NXPE2: variants seen among roughly 807,000 people sequenced by gnomAD.
The protein encoded by NXPE2 is NXPE family member 2.
Under a neutral mutation model 34.4 loss-of-function variants are expected in NXPE2, and 34 were observed. The ratio of observed to expected loss-of-function variants is 0.99; its 90% CI spans 0.75 to 1.31. NXPE2 has a LOEUF of 1.31. Among genes scored for constraint, NXPE2 ranks in the 40% most tolerant of loss-of-function variants. The pLI is 0.00. For missense variants in NXPE2, 649 were observed against 672.5 expected, an observed-to-expected ratio of 0.97 and a Z score of 0.39; for synonymous variants, 235 against 231.3, an observed-to-expected ratio of 1.02 and a Z score of -0.15.
the NXPE2 span, among the ~76,000 whole-genome samples, chr11:114,810,108 T>C: frequency 6.8e-6 from 1 of 146,946 alleles, no homozygotes; most frequent in Non-Finnish European, 1.5e-5. Flanking sequence ...CCCTATTTAA[T>C]AAATGGTGCT....
At chr11:114,621,243 G>A in the NXPE2 span, among the ~76,000 whole-genome samples, 7 of 151,252 alleles carry the variant, frequency 4.6e-5, no homozygotes, top group African/African-American at 1.5e-4. Flanking sequence ...ACAGTTACCC[G>A]GTGGATAATA....
the NXPE2 span, among the ~76,000 whole-genome samples, chr11:114,476,995 A>G: frequency 6.6e-6 from 1 of 152,198 alleles, no homozygotes; most frequent in South Asian, 2.1e-4. Context: ...TTCTAGGACA[A>G]AGACTTGCAC....
chr11:114,592,301 A>T, the NXPE2 span, among the ~76,000 whole-genome samples: 1 of 152,182 alleles, frequency 6.6e-6, no homozygotes, highest in Non-Finnish European at 1.5e-5. Flanking sequence ...AAACTGTCAG[A>T]ACTGATTTTA....
the NXPE2 span, among the ~76,000 whole-genome samples, chr11:114,654,119 C>G: frequency 3.3e-5 from 5 of 152,020 alleles, no homozygotes; most frequent in Admixed American, 6.6e-5. Flanking sequence ...AAAGTAGACC[C>G]CACAGTGGCT....
chr11:114,777,503 G>T, the NXPE2 span, among the ~76,000 whole-genome samples: 1 of 152,196 alleles, frequency 6.6e-6, no homozygotes, highest in Non-Finnish European at 1.5e-5. Context: ...CTCTTTCCTA[G>T]TAAGAGTCAT....
chr11:114,702,246 T>C (rs1013654846), intron 3 of NXPE2, among the ~76,000 whole-genome samples: 1 of 152,184 alleles, frequency 6.6e-6, no homozygotes, highest in African/African-American at 2.4e-5. Context: ...TAAAATTTAA[T>C]GCACATACAC....
the NXPE2 span, among the ~76,000 whole-genome samples, chr11:114,516,424 G>GT: frequency 6.6e-6 from 1 of 152,144 alleles, no homozygotes; most frequent in Non-Finnish European, 1.5e-5. Flanking sequence ...TATAGATACA[G>GT]TGATGGAGTA....
the NXPE2 span, among the ~76,000 whole-genome samples, chr11:114,777,824 G>T: frequency 6.6e-6 from 1 of 152,174 alleles, no homozygotes; most frequent in Non-Finnish European, 1.5e-5. Context: ...TGTGAAATGG[G>T]TTTAATAAGA....
At chr11:114,813,348 T>C in the NXPE2 span, among the ~76,000 whole-genome samples, 2 of 152,178 alleles carry the variant, frequency 1.3e-5, no homozygotes, top group Non-Finnish European at 2.9e-5. Context: ...CTCTGCCATG[T>C]CCACAGAAGG....
chr11:114,770,316 C>T, the NXPE2 span, among the ~76,000 whole-genome samples: 27 of 152,302 alleles, frequency 1.8e-4, no homozygotes, highest in Middle Eastern at 3.4e-3. Context: ...CTTCCTACCC[C>T]CTCCCCATCT....
At chr11:114,602,095 CAT>C in the NXPE2 span, among the ~76,000 whole-genome samples, 10 of 89,302 alleles carry the variant, frequency 1.1e-4, no homozygotes, top group South Asian at 1.9e-3. Flanking sequence ...TTATATATAA[CAT>C]ATATTATAAT....
At chr11:114,794,857 C>A in the NXPE2 span, among the ~76,000 whole-genome samples, 1 of 151,656 alleles carries the variant, frequency 6.6e-6, no homozygotes, top group Non-Finnish European at 1.5e-5. Flanking sequence ...CCCCGCCCCC[C>A]CCAACCCCAT....
Position 114,704,003 on chromosome 11 carries a change from A to C in NXPE2, c.879A>C (p.Gly293=). The change falls in exon 4 of 6, where the codon GGA becomes GGC. Residue 293 remains glycine (G), a synonymous_variant. Transcript: ENST00000389586. Reference sequence around the variant, plus strand: ...CCATTTCTTGCAGGTCCAACATAGGAGTTGAAATGATGAAGAACTTTACCC... The same window carrying C: ...CCATTTCTTGCAGGTCCAACATAGGCGTTGAAATGATGAAGAACTTTACCC... ...EWRLFHRSNI[G]VEMMKNFTPI... The C allele has an allele frequency of 6.4e-7, 1 of 1,551,426 alleles. No individual in the cohort carries two copies. The highest frequency in any genetic ancestry group is 8.7e-7 in the Non-Finnish European group (1 of 1,146,280).
the NXPE2 span, among the ~76,000 whole-genome samples, chr11:114,798,552 T>A: frequency 6.6e-6 from 1 of 152,106 alleles, no homozygotes; most frequent in Admixed American, 6.5e-5. Context: ...CCTGGCTAAT[T>A]TTTGTATTTT....
At chr11:114,633,290 A>T in the NXPE2 span, among the ~76,000 whole-genome samples, 1 of 139,004 alleles carries the variant, frequency 7.2e-6, no homozygotes, top group Non-Finnish European at 1.5e-5. Context: ...TATATTATAA[A>T]ATTCTAATGT....
the NXPE2 span, among the ~76,000 whole-genome samples, chr11:114,539,677 A>T: frequency 9.9e-3 from 1,510 of 152,298 alleles, 30 homozygotes; most frequent in African/African-American, 0.033. Context: ...ATTTTAGGGA[A>T]TATAATCATT....
At chr11:114,630,011 G>T in the NXPE2 span, among the ~76,000 whole-genome samples, 4 of 150,308 alleles carry the variant, frequency 2.7e-5, no homozygotes, top group African/African-American at 9.9e-5. Flanking sequence ...ACTGCTCAAG[G>T]AAATAAAAGA....
At chr11:114,546,989 A>T in the NXPE2 span, among the ~76,000 whole-genome samples, 2 of 152,332 alleles carry the variant, frequency 1.3e-5, no homozygotes, top group Non-Finnish European at 2.9e-5. Flanking sequence ...CAAATATGTA[A>T]GGGATAATAG....
At chr11:114,566,349 G>A in the NXPE2 span, among the ~76,000 whole-genome samples, 1 of 152,154 alleles carries the variant, frequency 6.6e-6, no homozygotes, top group Non-Finnish European at 1.5e-5. Context: ...ATTGGCAAAG[G>A]AAAATGGGAA....
Sources: gnomAD v4.1 joint callset for allele counts (sites outside exome capture counted in the v4.1 genomes callset) on GRCh38, gnomAD v4.1.1 for gene constraint, MANE v1.5 for transcripts, NCBI Gene and HGNC (gene_info 2026-07-23, HGNC 2026-07-21) for gene names.